LTBP2: variants seen among roughly 807,000 people sequenced by gnomAD.
LTBP2 encodes latent-transforming growth factor beta-binding protein 2.
In LTBP2, 103 loss-of-function variants were observed where a neutral mutation model predicts 210.6. The observed-to-expected ratio is 0.49, with a 90% CI of 0.42 to 0.58. The LOEUF (loss-of-function observed/expected upper bound fraction) is 0.58, where lower values mean the gene tolerates loss of function less well. LTBP2 is among the 20% of genes least tolerant of loss of function. LTBP2 has a pLI of 0.00. For synonymous variants in LTBP2, 1,007 were observed against 1,015.0 expected (o/e 0.99, Z 0.15); for missense variants, 2,313 against 2,494.5 (o/e 0.93, Z 1.55).
chr14:74,516,042 G>C (rs951723051), intron 18 of LTBP2, among the ~76,000 whole-genome samples: 4 of 152,336 alleles, frequency 2.6e-5, no homozygotes, highest in Admixed American at 2.6e-4. Flanking sequence ...CTGAAAGCAG[G>C]CAAGTCCCAG....
chr14:74,611,982 G>C lies in LTBP2; in HGVS notation c.-38C>G. ...CTGGAGAGTGGTGCGCGCGGGCACC[G>C]CGAAGAGCTTTGTGGTCGGCACGCT... On this transcript the variant is annotated 5_prime_UTR_variant, in exon 1 of 36. Coordinates refer to ENST00000261978, the MANE Select transcript of LTBP2 (RefSeq NM_000428.3). 4 of 1,517,952 alleles carry C rather than the reference G, an allele frequency of 2.6e-6. No homozygotes were observed. Among genetic ancestry groups the C allele is most frequent in the Non-Finnish European group, 1.8e-6 (2 of 1,141,946 alleles). The allele number at this position is 1,517,952 out of a possible 1,614,324, so 94.0% of individuals were successfully genotyped here. A position where few individuals can be genotyped will look rare whatever the true frequency, so the allele number is the denominator to read the frequency against.
intron 8 of LTBP2, among the ~76,000 whole-genome samples, chr14:74,537,462 C>A (rs2087436607): frequency 6.6e-6 from 1 of 152,216 alleles, no homozygotes; most frequent in Non-Finnish European, 1.5e-5. Context: ...CATGATATTT[C>A]AAAGGTCTTG....
intron 3 of LTBP2, among the ~76,000 whole-genome samples, chr14:74,565,365 T>TGA (rs1468110661): frequency 6.6e-6 from 1 of 152,116 alleles, no homozygotes; most frequent in Non-Finnish European, 1.5e-5. Flanking sequence ...ATTATTGCAG[T>TGA]GAAAGACCAC....
chr14:74,555,807 C>A, intron 3 of LTBP2, 114 bp from the exon 4 acceptor site: 1 of 724,716 alleles, frequency 1.4e-6, no homozygotes, highest in South Asian at 3.2e-5. Context: ...TCTCTGGCTG[C>A]CTTCTCACCC....
At chr14:74,550,186 G>T (rs1306602106) in intron 7 of LTBP2, among the ~76,000 whole-genome samples, 1 of 152,206 alleles carries the variant, frequency 6.6e-6, no homozygotes, top group African/African-American at 2.4e-5. Flanking sequence ...GTGTGGATGG[G>T]ACACCCCAGA....
chr14:74,519,155 C>T (rs10047836), intron 17 of LTBP2, among the ~76,000 whole-genome samples: 5,135 of 152,142 alleles, frequency 0.034, 275 homozygotes, highest in African/African-American at 0.12. Context: ...GGAAGGATTT[C>T]TTAAACAAAG....
At position 74,586,772 on chromosome 14, in the gene LTBP2, A is replaced by G. The variant is rs2088211073; in HGVS notation, c.566-654T>C. On this transcript the variant is annotated intron_variant, in intron 2 of 35. Coordinates refer to ENST00000261978, the MANE Select transcript of LTBP2 (RefSeq NM_000428.3). The surrounding 1 kb of genome is among the most constrained non-coding windows in gnomAD (Gnocchi z 4.6). Reference sequence around the variant, plus strand: ...TCTCCTCTCCTTCCCATTGTTCTCCATCTCCCACCCTCCTTAGCAAGGCAG... The same window carrying G: ...TCTCCTCTCCTTCCCATTGTTCTCCGTCTCCCACCCTCCTTAGCAAGGCAG... 1.3e-5 allele frequency among the ~76,000 whole-genome samples: 2 copies of G among 152,034 alleles called. No homozygotes were observed. The highest frequency in any genetic ancestry group is 4.8e-5 in the African/African-American group (2 of 41,392).
At chr14:74,573,903 G>A (rs1021220980) in intron 3 of LTBP2, among the ~76,000 whole-genome samples, 1 of 152,116 alleles carries the variant, frequency 6.6e-6, no homozygotes, top group Non-Finnish European at 1.5e-5. Flanking sequence ...TTGAGACTCG[G>A]GGAGGTGAAA....
intron 18 of LTBP2, among the ~76,000 whole-genome samples, chr14:74,516,095 G>C (rs1402816155): frequency 6.6e-6 from 1 of 152,212 alleles, no homozygotes; most frequent in African/African-American, 2.4e-5. Context: ...GCCTAAGCTC[G>C]GACCCAGGGC....
At chr14:74,545,348 G>A (rs1222319507) in intron 8 of LTBP2, among the ~76,000 whole-genome samples, 1 of 152,204 alleles carries the variant, frequency 6.6e-6, no homozygotes, top group Non-Finnish European at 1.5e-5. Context: ...GACAAAACAT[G>A]TGAAGGGCCC....
At chr14:74,522,567 C>T (rs1022623084) in intron 16 of LTBP2, among the ~76,000 whole-genome samples, 1 of 152,116 alleles carries the variant, frequency 6.6e-6, no homozygotes, top group African/African-American at 2.4e-5. Context: ...GGCTTCTGTG[C>T]TCCTGGAGTC....
chr14:74,601,810 C>G, intron 2 of LTBP2, among the ~76,000 whole-genome samples: 1 of 152,156 alleles, frequency 6.6e-6, no homozygotes, highest in Admixed American at 6.5e-5. Flanking sequence ...ATCCATCATG[C>G]TGGGAACATC....
chr14:74,596,123 G>A lies in LTBP2; in HGVS notation c.565+7512C>T, dbSNP rs553800289. Among the ~76,000 whole-genome samples, 4 of 152,168 alleles carry A rather than the reference G, an allele frequency of 2.6e-5. No individual in the cohort carries two copies. In the South Asian group the frequency reaches 8.3e-4, roughly 32 times the overall value. ...ACCTGTAATCCCAGCTACTTGAGAG[G>A]CTGAGGGAGGAGAACTGCTTGAACC... On this transcript the variant is annotated intron_variant, in intron 2 of 35. Coordinates refer to ENST00000261978, the MANE Select transcript of LTBP2 (RefSeq NM_000428.3).
rs141318496 is a variant in LTBP2, at chr14:74,506,136, G to A, written c.4089C>T (p.Asn1363=). ...AGAGGCACAGGAAGGAGCCCTCCAC[G>A]TTCTCACAGAGCGCGGCCCCACATA... The part of the protein sequence containing the change: ...LAVCGAALCE[N]VEGSFLCLCA... The change falls in exon 28 of 36, where the codon AAC becomes AAT. Residue 1363 remains asparagine (N), a synonymous_variant. Transcript: ENST00000261978. 1,712 of 1,614,200 alleles carry A rather than the reference G, an allele frequency of 1.1e-3. 18 individuals carry two copies. The African/African-American group carries it at 0.02, about 19-fold the overall frequency.
intron 4 of LTBP2, among the ~76,000 whole-genome samples, chr14:74,555,162 T>C (rs562265139): frequency 2.7e-5 from 4 of 149,656 alleles, no homozygotes; most frequent in African/African-American, 9.8e-5. Flanking sequence ...TCCAGGAGAG[T>C]TGGGGTTTGT....
chr14:74,564,049 T>TTA (rs1260193455), intron 3 of LTBP2, among the ~76,000 whole-genome samples: 2 of 45,898 alleles, frequency 4.4e-5, no homozygotes, highest in East Asian at 4.2e-4. Flanking sequence ...ATATATATAT[T>TTA]TATATATATA....
At chr14:74,529,870 T>C (rs2139720383) in intron 10 of LTBP2, among the ~76,000 whole-genome samples, 1 of 152,264 alleles carries the variant, frequency 6.6e-6, no homozygotes, top group East Asian at 1.9e-4. Context: ...CTGGAATCCG[T>C]AGAGGGCTGA....
At chr14:74,530,407 C>T (rs1032490400) in intron 10 of LTBP2, among the ~76,000 whole-genome samples, 1 of 152,214 alleles carries the variant, frequency 6.6e-6, no homozygotes, top group African/African-American at 2.4e-5. Flanking sequence ...TTGAAGGAAC[C>T]ATGAAACTCA....
At position 74,516,929 on chromosome 14, in the gene LTBP2, C is replaced by T; in HGVS notation, c.2801G>A (p.Cys934Tyr). ...CCCGCTGCACACCCCTGGCTGCTCA[C>T]ACTCATTGATATCTGTGAACACACA... ...ATQECQDINE[C>Y]EQPGVCSGGQ... The change falls in exon 18 of 36, where the codon TGT becomes TAT. Residue 934 changes from cysteine (C) to tyrosine (Y), a missense_variant. By Grantham distance (194) the Cys-to-Tyr change is radical. Around this residue, in one of 3 missense-constraint regions of LTBP2, gnomAD observed 1,867 missense variants for 1,976.9 expected, o/e 0.94. Coordinates refer to ENST00000261978, the MANE Select transcript of LTBP2 (RefSeq NM_000428.3). 6.4e-7 allele frequency: 1 copy of T among 1,551,782 alleles called. No homozygotes were observed. Among genetic ancestry groups the T allele is most frequent in the Non-Finnish European group, 8.7e-7 (1 of 1,147,108 alleles).
Sources: gnomAD v4.1 joint callset for allele counts (sites outside exome capture counted in the v4.1 genomes callset) on GRCh38, gnomAD v4.1.1 for gene constraint, gnomAD v4.1.1 regional missense constraint, Gnocchi (gnomAD v3.1) non-coding constraint, MANE v1.5 for transcripts, NCBI Gene and HGNC (gene_info 2026-07-23, HGNC 2026-07-21) for gene names.